The following GPC6 variants were observed in gnomAD, a reference collection of about 807,000 sequenced individuals.
GPC6 encodes glypican 6.
In GPC6, 14 loss-of-function variants were observed where a neutral mutation model predicts 55.2. The observed-to-expected ratio is 0.25, with a 90% CI of 0.17 to 0.40. GPC6 has a LOEUF of 0.40. Among genes scored for constraint, GPC6 ranks in the 10% least tolerant of loss-of-function variants. The probability of loss-of-function intolerance (pLI) is 1.00; values close to 1 mark genes in which losing one functional copy is unlikely to be tolerated. For missense variants in GPC6, 641 were observed against 708.5 expected, an observed-to-expected ratio of 0.90 and a Z score of 1.08; for synonymous variants, 278 against 259.6, an observed-to-expected ratio of 1.07 and a Z score of -0.68.
intron 4 of GPC6, among the ~76,000 whole-genome samples, chr13:94,272,570 G>A (rs1393102174): frequency 1.4e-5 from 2 of 145,714 alleles, no homozygotes; most frequent in African/African-American, 5.1e-5. Flanking sequence ...CCAGGTTCAT[G>A]CCATTCTCTT....
At chr13:93,838,380 T>C (rs1887819836) in intron 3 of GPC6, among the ~76,000 whole-genome samples, 2 of 152,036 alleles carry the variant, frequency 1.3e-5, no homozygotes, top group African/African-American at 2.4e-5. Context: ...AAAGAATGAA[T>C]AGCATCTCAC....
intron 1 of GPC6, among the ~76,000 whole-genome samples, chr13:93,256,245 G>T (rs974738703): frequency 1.6e-4 from 23 of 144,992 alleles, no homozygotes; most frequent in South Asian, 1.6e-3. Flanking sequence ...AATTTCTAAA[G>T]AAAATTTTTC....
intron 1 of GPC6, among the ~76,000 whole-genome samples, chr13:93,497,875 T>C (rs1329323034): frequency 6.6e-6 from 1 of 152,206 alleles, no homozygotes; most frequent in African/African-American, 2.4e-5. Flanking sequence ...TGGGGAAATC[T>C]TGTAGTTCAA....
intron 1 of GPC6, among the ~76,000 whole-genome samples, chr13:93,536,696 A>T (rs982476669): frequency 9.8e-5 from 15 of 152,292 alleles, no homozygotes; most frequent in African/African-American, 3.6e-4. Flanking sequence ...CTTGAACAAC[A>T]CCAATTTCAC....
rs61307240 is a variant in GPC6 at position 94,337,447 on chromosome 13, CT to C, written c.1152+31334del. 3.5e-3 allele frequency among the ~76,000 whole-genome samples: 527 copies of C among 149,152 alleles called. 4 individuals are homozygous for C. Among genetic ancestry groups the C allele is most frequent in the African/African-American group, 0.012 (483 of 40,504 alleles). On this transcript the variant is annotated intron_variant, in intron 6 of 8. Transcript: ENST00000377047. ...TTAATTCATGATATACATTTTTTTTCTTTTTTTTTTCCTTTTTTGAGGTGGA... is the reference window on the plus strand; with the variant it reads ...TTAATTCATGATATACATTTTTTTTCTTTTTTTTTCCTTTTTTGAGGTGGA...
intron 3 of GPC6, among the ~76,000 whole-genome samples, chr13:93,926,444 G>T (rs1326072911): frequency 6.6e-6 from 1 of 152,148 alleles, no homozygotes; most frequent in Non-Finnish European, 1.5e-5. Flanking sequence ...CGTCTCCCTA[G>T]GCAGGAAAAA....
chr13:93,645,111 A>G (rs1880119955), intron 2 of GPC6, among the ~76,000 whole-genome samples: 1 of 152,148 alleles, frequency 6.6e-6, no homozygotes, highest in African/African-American at 2.4e-5. Flanking sequence ...GGAGAAGGGC[A>G]TAGCCCCAGG....
chr13:93,543,532 G>A (rs959046946), intron 1 of GPC6, among the ~76,000 whole-genome samples: 2 of 151,950 alleles, frequency 1.3e-5, no homozygotes, highest in African/African-American at 4.8e-5. Flanking sequence ...GATGATGCTG[G>A]CCTCATAAAA....
intron 4 of GPC6, among the ~76,000 whole-genome samples, chr13:94,268,113 C>T (rs1243063425): frequency 6.6e-6 from 1 of 152,182 alleles, no homozygotes; most frequent in East Asian, 1.9e-4. Context: ...ACATCTGCCA[C>T]CTTGCTAAGG....
intron 1 of GPC6, among the ~76,000 whole-genome samples, chr13:93,324,571 TAC>T (rs201233056): frequency 7.4e-4 from 81 of 109,358 alleles, no homozygotes; most frequent in African/African-American, 2.3e-3. Flanking sequence ...TATATATATA[TAC>T]ACACACATAC....
At chr13:93,980,186 T>C (rs1325442376) in intron 3 of GPC6, among the ~76,000 whole-genome samples, 4 of 152,116 alleles carry the variant, frequency 2.6e-5, no homozygotes. Context: ...TTTCTCCCCT[T>C]TTTAATGGGT....
At chr13:93,321,467 C>A (rs114590019) in intron 1 of GPC6, among the ~76,000 whole-genome samples, 1,956 of 152,178 alleles carry the variant, frequency 0.013, 36 homozygotes, top group African/African-American at 0.045. Context: ...GTATATAGTG[C>A]AGATTTTAAG....
chr13:94,099,969 G>C (rs1422737454), intron 4 of GPC6, among the ~76,000 whole-genome samples: 1 of 152,124 alleles, frequency 6.6e-6, no homozygotes, highest in Non-Finnish European at 1.5e-5. Context: ...TGAGGGTAGA[G>C]GGTGGGAGGA....
chr13:93,283,996 A>C (rs1878032949), intron 1 of GPC6, among the ~76,000 whole-genome samples: 1 of 152,208 alleles, frequency 6.6e-6, no homozygotes, highest in Non-Finnish European at 1.5e-5. Context: ...TAGAATTGAC[A>C]ACTGTACATA....
intron 2 of GPC6, among the ~76,000 whole-genome samples, chr13:93,595,550 T>A (rs1350109482): frequency 6.6e-6 from 1 of 152,224 alleles, no homozygotes; most frequent in Non-Finnish European, 1.5e-5. Context: ...TTGTACTGAA[T>A]AACTATTTCC....
At chr13:93,944,071 C>T (rs934053224) in intron 3 of GPC6, among the ~76,000 whole-genome samples, 2 of 152,306 alleles carry the variant, frequency 1.3e-5, no homozygotes, top group East Asian at 1.9e-4. Context: ...CCAGGCAGTA[C>T]AGTGGCAGTT....
At chr13:93,979,293 G>T (rs1052660753) in intron 3 of GPC6, among the ~76,000 whole-genome samples, 5 of 147,868 alleles carry the variant, frequency 3.4e-5, no homozygotes, top group African/African-American at 1.3e-4. Flanking sequence ...GTGTGTGTGT[G>T]TGTGTGTGTG....
chr13:94,296,733 A>G (rs1209516708), intron 5 of GPC6, among the ~76,000 whole-genome samples: 2 of 152,112 alleles, frequency 1.3e-5, no homozygotes, highest in East Asian at 3.9e-4. Context: ...CTGTGGTGTA[A>G]TTACTCCCTC....
rs114818266 is a variant in GPC6 at position 93,532,910 on chromosome 13, G to A, written c.161-12353G>A. 5.5e-3 allele frequency among the ~76,000 whole-genome samples: 844 copies of A among 152,240 alleles called. 5 individuals are homozygous for A. Among genetic ancestry groups the A allele is most frequent in the African/African-American group, 0.018 (750 of 41,552 alleles). On this transcript the variant is annotated intron_variant, in intron 1 of 8. Coordinates refer to ENST00000377047, the MANE Select transcript of GPC6 (RefSeq NM_005708.5). ...GAAAATTTTAGAACTACAAGAATTA[G>A]CATTTAAAGTTTTTATCAGGAAATT...
Sources: gnomAD v4.1 joint callset for allele counts (sites outside exome capture counted in the v4.1 genomes callset) on GRCh38, gnomAD v4.1.1 for gene constraint, MANE v1.5 for transcripts, NCBI Gene and HGNC (gene_info 2026-07-23, HGNC 2026-07-21) for gene names.